Variants in RABGAP1L observed in about 807,000 individuals in gnomAD.
RABGAP1L encodes rab GTPase-activating protein 1-like.
Under a neutral mutation model 137.7 loss-of-function variants are expected in RABGAP1L, and 63 were observed. That is an observed-to-expected ratio of 0.46 (90% CI 0.37 to 0.56). The LOEUF (loss-of-function observed/expected upper bound fraction) is 0.56, where lower values mean the gene tolerates loss of function less well. Among genes scored for constraint, RABGAP1L ranks in the 20% least tolerant of loss-of-function variants. The probability of loss-of-function intolerance (pLI) is 0.00; values close to 1 mark genes in which losing one functional copy is unlikely to be tolerated. For synonymous variants in RABGAP1L, 431 were observed against 433.7 expected, an observed-to-expected ratio of 0.99 and a Z score of 0.08; for missense variants, 1,095 against 1,244.0, an observed-to-expected ratio of 0.88 and a Z score of 1.80.
In RABGAP1L at chr1:174,586,112, A is replaced by G. The variant is rs966309750; in HGVS notation, c.1711-51263A>G. Among the ~76,000 whole-genome samples, 5 of 152,302 alleles carry G rather than the reference A, an allele frequency of 3.3e-5. No individual in the cohort carries two copies. In the South Asian group the frequency reaches 8.3e-4, roughly 25 times the overall value. ...CAGCACTATTCACAATAACAAAGAC[A>G]TGGAATCAATCCAAATGCCCATCAA... is the stretch of plus-strand genomic sequence containing the variant. On this transcript the variant is annotated intron_variant, in intron 13 of 25. Coordinates refer to ENST00000681986, the MANE Select transcript of RABGAP1L (RefSeq NM_001366446.1).
At chr1:174,494,434 A>G (rs550190121) in intron 13 of RABGAP1L, among the ~76,000 whole-genome samples, 23 of 152,320 alleles carry the variant, frequency 1.5e-4, no homozygotes, top group African/African-American at 5.3e-4. Context: ...TTCCTTGGAG[A>G]TAATTCCTAC....
chr1:174,461,128 A>G (rs1656639124), intron 13 of RABGAP1L, among the ~76,000 whole-genome samples: 1 of 152,126 alleles, frequency 6.6e-6, no homozygotes, highest in South Asian at 2.1e-4. Context: ...CCACCTAGAT[A>G]TTGCGTTTGA....
chr1:174,416,866 T>G (rs1650658074), intron 13 of RABGAP1L, among the ~76,000 whole-genome samples: 1 of 152,000 alleles, frequency 6.6e-6, no homozygotes, highest in African/African-American at 2.4e-5. Flanking sequence ...GTAAGATGAT[T>G]ATTATATCTA....
intron 10 of RABGAP1L, among the ~76,000 whole-genome samples, chr1:174,286,831 T>C (rs1025971417): frequency 7.9e-5 from 12 of 152,180 alleles, no homozygotes; most frequent in Non-Finnish European, 1.8e-4. Flanking sequence ...TTAGTTTCTA[T>C]ATATCTGAAT....
At chr1:174,852,499 T>G (rs889314025) in intron 19 of RABGAP1L, among the ~76,000 whole-genome samples, 2 of 152,192 alleles carry the variant, frequency 1.3e-5, no homozygotes, top group Admixed American at 1.3e-4. Flanking sequence ...CAGTGTATTA[T>G]AAAAAGATTT....
intron 19 of RABGAP1L, among the ~76,000 whole-genome samples, chr1:174,838,951 A>G (rs952179880): frequency 2.0e-4 from 28 of 142,736 alleles, no homozygotes; most frequent in African/African-American, 6.8e-4. Flanking sequence ...AAAAAAAAAA[A>G]AAATGACATG....
intron 23 of RABGAP1L, among the ~76,000 whole-genome samples, chr1:174,980,328 C>G (rs1670988335): frequency 6.6e-6 from 1 of 152,170 alleles, no homozygotes; most frequent in African/African-American, 2.4e-5. Flanking sequence ...AATGCCTGCT[C>G]TCTGTGAGGC....
intron 18 of RABGAP1L, among the ~76,000 whole-genome samples, chr1:174,786,191 C>G (rs1317730363): frequency 1.3e-5 from 2 of 152,132 alleles, no homozygotes; most frequent in African/African-American, 4.8e-5. Flanking sequence ...CTGGTAAATT[C>G]TAAGTATCTG....
chr1:174,946,955 T>G (rs1666951673), intron 19 of RABGAP1L, among the ~76,000 whole-genome samples: 1 of 116,790 alleles, frequency 8.6e-6, no homozygotes, highest in Non-Finnish European at 1.8e-5. Flanking sequence ...TGTGTGTGTG[T>G]GTGTGTGTGT....
At chr1:174,242,705 A>T (rs1323713279) in intron 5 of RABGAP1L, among the ~76,000 whole-genome samples, 1 of 152,162 alleles carries the variant, frequency 6.6e-6, no homozygotes, top group Non-Finnish European at 1.5e-5. Flanking sequence ...TAACTGTAGA[A>T]ATTCTCTATC....
intron 13 of RABGAP1L, among the ~76,000 whole-genome samples, chr1:174,458,458 G>A (rs1014932979): frequency 7.9e-5 from 12 of 151,966 alleles, no homozygotes; most frequent in Admixed American, 2.0e-4. Flanking sequence ...GATCTCATAC[G>A]AAGGAGTGAT....
intron 13 of RABGAP1L, among the ~76,000 whole-genome samples, chr1:174,481,364 C>G (rs904696578): frequency 6.6e-6 from 1 of 152,210 alleles, no homozygotes; most frequent in African/African-American, 2.4e-5. Flanking sequence ...GCTTCTCATG[C>G]TACCTCAGTG....
chr1:174,284,251 T>C (rs554522919), intron 10 of RABGAP1L, among the ~76,000 whole-genome samples: 257 of 152,286 alleles, frequency 1.7e-3, no homozygotes, highest in Admixed American at 2.4e-3. Flanking sequence ...TCTCACTTTT[T>C]CCCCCAAACC....
intron 5 of RABGAP1L, 68 bp from the exon 6 acceptor site, chr1:174,250,407 A>G (rs1319039231): frequency 8.3e-7 from 1 of 1,210,526 alleles, no homozygotes; most frequent in Admixed American, 2.3e-5. Context: ...TTCAAGAGTT[A>G]GGAGAGAAGG....
chr1:174,164,799 A>G (rs902444813), intron 1 of RABGAP1L, among the ~76,000 whole-genome samples: 4 of 152,236 alleles, frequency 2.6e-5, no homozygotes, highest in African/African-American at 9.6e-5. Context: ...AATGGATTAT[A>G]GCCTACATTT....
chr1:174,356,067 T>C (rs1030097024), intron 11 of RABGAP1L, among the ~76,000 whole-genome samples: 1 of 152,212 alleles, frequency 6.6e-6, no homozygotes, highest in African/African-American at 2.4e-5. Flanking sequence ...ACATGTGGTT[T>C]TGGTCTTTCA....
At chr1:174,589,440 A>C (rs1366253160) in intron 13 of RABGAP1L, among the ~76,000 whole-genome samples, 1 of 152,150 alleles carries the variant, frequency 6.6e-6, no homozygotes, top group East Asian at 1.9e-4. Flanking sequence ...GCTGTGAAGA[A>C]GCTTTTTAAC....
chr1:174,735,853 A>G (rs1682899731), intron 17 of RABGAP1L, among the ~76,000 whole-genome samples: 1 of 152,102 alleles, frequency 6.6e-6, no homozygotes. Flanking sequence ...CATGTGAACC[A>G]CCAGAGCCAG....
chr1:174,547,858 A>G (rs1666143713), intron 13 of RABGAP1L: 4 of 1,536,646 alleles, frequency 2.6e-6, no homozygotes, highest in African/African-American at 1.4e-5. Context: ...ATTTAGTCTT[A>G]CACCGAGACA....
Sources: gnomAD v4.1 joint callset for allele counts (sites outside exome capture counted in the v4.1 genomes callset) on GRCh38, gnomAD v4.1.1 for gene constraint, MANE v1.5 for transcripts, NCBI Gene and HGNC (gene_info 2026-07-23, HGNC 2026-07-21) for gene names.